PARP4: variants seen among roughly 807,000 people sequenced by gnomAD.
PARP4 encodes the protein poly(ADP-ribose) polymerase family member 4.
PARP4 carries 120 observed loss-of-function variants against 187.7 expected under a neutral mutation model. That is an observed-to-expected ratio of 0.64 (90% CI 0.55 to 0.74). The LOEUF is 0.74. Ranked by LOEUF, PARP4 falls within the 30% of genes least tolerant of loss-of-function variation. PARP4 has a pLI of 0.00. For synonymous variants in PARP4, 654 were observed against 740.9 expected (o/e 0.88, Z 1.90); for missense variants, 1,836 against 2,070.5 (o/e 0.89, Z 2.20).
chr13:24,423,119 G>T (rs6490917), intron 33 of PARP4, among the ~76,000 whole-genome samples: 70,131 of 152,086 alleles, frequency 0.46, 17,452 homozygotes, highest in African/African-American at 0.66. Context: ...GAATAAATGC[G>T]TCTTTGGATG....
Position 24,452,405 on chromosome 13 carries a change from C to G in PARP4, c.3014+1G>C. On this transcript the variant is annotated splice_donor_variant, in intron 24 of 33. Transcript: ENST00000381989. LOFTEE classifies it high-confidence loss of function. ...TATGTGACCAGCTCTCTGAGACTCA[C>G]CCGATACCGCAGGCGAATAACCTGG... 1 of 1,609,986 alleles carries G rather than the reference C, an allele frequency of 6.2e-7. No homozygotes were observed. The highest frequency in any genetic ancestry group is 8.5e-7 in the Non-Finnish European group (1 of 1,178,310).
chr13:24,504,304 GTTCT>G (rs1869481421), intron 1 of PARP4, among the ~76,000 whole-genome samples: 1 of 107,880 alleles, frequency 9.3e-6, no homozygotes. Context: ...CTGCATTTAG[GTTCT>G]TTTTTTTTTT....
chr13:24,493,587 C>A lies in PARP4; in HGVS notation c.879+9G>T. On this transcript the variant is annotated intron_variant, in intron 8 of 33. Transcript: ENST00000381989. Reference sequence around the variant, plus strand: ...TTTCACATTCTGTTTCAGCGACACACCAACTTACATCGTTGAGGCTAATCC... The same window carrying A: ...TTTCACATTCTGTTTCAGCGACACAACAACTTACATCGTTGAGGCTAATCC... 1 of 1,596,100 alleles carries A rather than the reference C, an allele frequency of 6.3e-7. No homozygotes were observed. Among genetic ancestry groups the A allele is most frequent in the Non-Finnish European group, 8.5e-7 (1 of 1,174,968 alleles).
intron 30 of PARP4, among the ~76,000 whole-genome samples, chr13:24,436,742 T>C (rs902294909): frequency 1.3e-5 from 2 of 152,234 alleles, no homozygotes; most frequent in African/African-American, 4.8e-5. Context: ...CTTAAAAAGT[T>C]GCATGTATAA....
At chr13:24,444,791 G>C (rs1871127689) in intron 27 of PARP4, among the ~76,000 whole-genome samples, 1 of 152,198 alleles carries the variant, frequency 6.6e-6, no homozygotes, top group South Asian at 2.1e-4. Flanking sequence ...GGGAATATTT[G>C]CATCTGCAGA....
intron 18 of PARP4, 93 bp downstream of exon 18, chr13:24,459,879 G>T: frequency 1.0e-6 from 1 of 1,004,296 alleles, no homozygotes; most frequent in Non-Finnish European, 1.4e-6. Flanking sequence ...TATTTTACAT[G>T]TTTTTCTCCC....
intron 15 of PARP4, among the ~76,000 whole-genome samples, chr13:24,472,384 G>A (rs1872762766): frequency 6.6e-6 from 1 of 152,158 alleles, no homozygotes; most frequent in African/African-American, 2.4e-5. Context: ...ATGGGTCAGA[G>A]TGGGCCCAGG....
In PARP4 at chr13:24,503,573, C is replaced by A. The variant is rs934434587; in HGVS notation, c.132+72G>T. The A allele has an allele frequency of 8.4e-6, 13 of 1,547,458 alleles. No homozygotes were observed. In the African/African-American group the frequency reaches 1.5e-4, roughly 18 times the overall value. On this transcript the variant is annotated intron_variant, in intron 2 of 33. Coordinates refer to ENST00000381989, the MANE Select transcript of PARP4 (RefSeq NM_006437.4). Reference sequence around the variant, plus strand: ...CTCCTGCTGCTAATCTCTGCTTCCTCTTCTAACCATGACCCTGTTCCCTGA... The same window carrying A: ...CTCCTGCTGCTAATCTCTGCTTCCTATTCTAACCATGACCCTGTTCCCTGA...
At position 24,455,182 on chromosome 13, in the gene PARP4, C is replaced by T. The variant is rs760033789; in HGVS notation, c.2593G>A (p.Asp865Asn). The change falls in exon 22 of 34, where the codon GAT (aspartate) becomes AAT (asparagine). Residue 865 changes from aspartate to asparagine, a missense_variant. Transcript: ENST00000381989. ...CTGGCTAGGTCAGGGAGGTCGACAT[C>T]GAGATCGGGTTGAAAGACAAGCATG... ...ACMLVFQPDL[D>N]VDLPDLASES... 66 of 1,593,972 alleles carry T rather than the reference C, an allele frequency of 4.1e-5. No individual in the cohort carries two copies. The highest frequency in any genetic ancestry group is 4.6e-5 in the Non-Finnish European group (54 of 1,164,486).
chr13:24,507,579 T>C (rs1183115919), intron 1 of PARP4, among the ~76,000 whole-genome samples: 1 of 152,212 alleles, frequency 6.6e-6, no homozygotes, highest in African/African-American at 2.4e-5. Context: ...GCCCCTGATA[T>C]AGCCCCAATG....
intron 27 of PARP4, among the ~76,000 whole-genome samples, chr13:24,445,213 T>C (rs1201780569): frequency 6.6e-6 from 1 of 152,096 alleles, no homozygotes. Context: ...GATTATTTTA[T>C]AGACCAAACA....
At chr13:24,485,829 T>C (rs748534344) in intron 11 of PARP4, among the ~76,000 whole-genome samples, 10 of 152,170 alleles carry the variant, frequency 6.6e-5, no homozygotes, top group Non-Finnish European at 1.2e-4. Flanking sequence ...ACCTATATAC[T>C]ACACTTTAAA....
At position 24,455,122 on chromosome 13, in the gene PARP4, T is replaced by C; in HGVS notation, c.2653A>G (p.Ser885Gly). The change falls in exon 22 of 34, where the codon AGT becomes GGT. Residue 885 changes from serine (S) to glycine (G), a missense_variant. By Grantham distance (56) the Ser-to-Gly change is moderately conservative. This residue lies in a region of PARP4 where 1,147 missense variants were observed against 1,214.2 expected (regional missense o/e 0.94). Coordinates refer to ENST00000381989, the MANE Select transcript of PARP4 (RefSeq NM_006437.4). ...SEVIICLDCS[S>G]SMEGVTFLQA... Reference sequence around the variant, plus strand: ...AAGAATGTCACACCCTCCATGGAACTGGAGCAGTCAAGACAAATAATCACT... The same window carrying C: ...AAGAATGTCACACCCTCCATGGAACCGGAGCAGTCAAGACAAATAATCACT... The C allele has an allele frequency of 6.2e-7, 1 of 1,613,418 alleles. No homozygotes were observed.
chr13:24,453,585 A>C lies in PARP4; in HGVS notation c.2826+2T>G. The C allele has an allele frequency of 6.3e-7, 1 of 1,579,378 alleles. No homozygotes were observed. The highest frequency in any genetic ancestry group is 1.1e-5 in the South Asian group (1 of 90,306). On this transcript the variant is annotated splice_donor_variant, in intron 23 of 33. Coordinates refer to ENST00000381989, the MANE Select transcript of PARP4 (RefSeq NM_006437.4). LOFTEE classifies it high-confidence loss of function. ...GAGATACAGGAAGCCTCTTGCACTC[A>C]CCATGATGAACTCTGCTGCCATGGT...
At chr13:24,457,793 A>AAAAAAAAAG (rs1566000254) in intron 20 of PARP4, among the ~76,000 whole-genome samples, 5 of 148,512 alleles carry the variant, frequency 3.4e-5, no homozygotes, top group African/African-American at 1.2e-4. Context: ...AAAAAAAAAA[A>AAAAAAAAAG]AAAGAAAAAA....
In PARP4 at chr13:24,456,306, T is replaced by C. The variant is rs190791573; in HGVS notation, c.2562+35A>G. 1.5e-3 allele frequency: 2,247 copies of C among 1,508,080 alleles called. 4 individuals carry two copies. The highest frequency in any genetic ancestry group is 2.3e-3 in the Middle Eastern group (10 of 4,384). The allele number at this position is 1,508,080 out of a possible 1,614,324, so 93.4% of individuals were successfully genotyped here. ...AGCTTATTCTGAAACATTTTTTCAA[T>C]AGTGTCTCCTATGTCTAAGTAAAAA... On this transcript the variant is annotated intron_variant, in intron 21 of 33. Coordinates refer to ENST00000381989, the MANE Select transcript of PARP4 (RefSeq NM_006437.4).
chr13:24,475,881 C>G (rs1475730332), intron 14 of PARP4, among the ~76,000 whole-genome samples: 2 of 151,924 alleles, frequency 1.3e-5, no homozygotes. Flanking sequence ...TCCTCTCTGG[C>G]TCAGGTGATC....
chr13:24,496,144 A>C (rs1183415417), intron 6 of PARP4, among the ~76,000 whole-genome samples: 1 of 152,196 alleles, frequency 6.6e-6, no homozygotes, highest in Admixed American at 6.5e-5. Flanking sequence ...GTCCTGGCCT[A>C]AACGATGCTA....
intron 28 of PARP4, 148 bp from the exon 29 acceptor site, chr13:24,442,833 G>A: frequency 2.1e-6 from 1 of 478,198 alleles, no homozygotes; most frequent in Non-Finnish European, 3.9e-6. Flanking sequence ...AAAATGAGAT[G>A]AACTGACTTA....
Sources: allele counts gnomAD v4.1 joint callset (sites outside exome capture counted in the v4.1 genomes callset), GRCh38; gene constraint gnomAD v4.1.1; regional missense constraint gnomAD v4.1.1; transcripts MANE v1.5; gene names NCBI Gene and HGNC (gene_info 2026-07-23, HGNC 2026-07-21).